Variants in COL13A1 observed in about 807,000 individuals in gnomAD.
COL13A1 encodes the protein collagen alpha-1(XIII) chain.
Under a neutral mutation model 130.9 loss-of-function variants are expected in COL13A1, and 89 were observed. The ratio of observed to expected loss-of-function variants is 0.68; its 90% CI spans 0.57 to 0.81. The LOEUF (loss-of-function observed/expected upper bound fraction) is 0.81. Ranked by LOEUF, COL13A1 falls within the 30% of genes least tolerant of loss-of-function variation. The pLI is 0.00. For missense variants in COL13A1, 879 were observed against 934.6 expected (o/e 0.94, Z 0.78); for synonymous variants, 402 against 341.6 (o/e 1.18, Z -1.95).
intron 22 of COL13A1, among the ~76,000 whole-genome samples, 180 bp downstream of exon 22, chr10:69,922,115 T>C (rs1427217632): frequency 1.3e-5 from 2 of 152,150 alleles, no homozygotes; most frequent in African/African-American, 4.8e-5. Flanking sequence ...AGGCCCTGAT[T>C]GGCAAAAATA....
In COL13A1 at chr10:69,810,191, G is replaced by A. The variant is rs535198574; in HGVS notation, c.294+7474G>A. ...GGCTTGCCCTTGTACGGGTGATGCT[G>A]GTTGCATTAGAATCGCCTGGGGAGC... is the stretch of plus-strand genomic sequence containing the variant. On this transcript the variant is annotated intron_variant, in intron 1 of 40. Transcript: ENST00000645393. Among the ~76,000 whole-genome samples the A allele has an allele frequency of 8.3e-4, 126 of 152,258 alleles. 1 individual carries two copies. The Middle Eastern group carries it at 0.024, about 29-fold the overall frequency.
intron 27 of COL13A1, among the ~76,000 whole-genome samples, chr10:69,927,757 G>A (rs2065567619): frequency 6.6e-6 from 1 of 152,212 alleles, no homozygotes; most frequent in African/African-American, 2.4e-5. Context: ...AACACACTTA[G>A]GGATGGCACA....
At chr10:69,940,947 T>C in intron 34 of COL13A1, 41 bp from the exon 35 acceptor site, 1 of 1,613,772 alleles carries the variant, frequency 6.2e-7, no homozygotes, top group Non-Finnish European at 8.5e-7. Context: ...CTCCCAATCC[T>C]CTCTTCCCCT....
chr10:69,840,140 G>A (rs1851209715), intron 2 of COL13A1, among the ~76,000 whole-genome samples: 1 of 152,280 alleles, frequency 6.6e-6, no homozygotes, highest in African/African-American at 2.4e-5. Context: ...GGTGAGAGAT[G>A]GAGAGAAACC....
chr10:69,837,490 C>A (rs914193772), intron 2 of COL13A1, among the ~76,000 whole-genome samples: 3 of 152,238 alleles, frequency 2.0e-5, no homozygotes, highest in Non-Finnish European at 4.4e-5. Context: ...ACAGGTGACA[C>A]CCCTGCTGTT....
In COL13A1 at chr10:69,925,008, G is replaced by A; in HGVS notation, c.1329+1G>A. ...AGAACAGGGACCAGATGGCCCCAAG[G>A]TATGTGCCTCTCCCTCCTGGAGTCA... On this transcript the variant is annotated splice_donor_variant, in intron 25 of 40. Coordinates refer to ENST00000645393, the MANE Select transcript of COL13A1 (RefSeq NM_001368882.1). LOFTEE classifies it high-confidence loss of function. 1 of 1,582,972 alleles carries A rather than the reference G, an allele frequency of 6.3e-7. No homozygotes were observed. The highest frequency in any genetic ancestry group is 8.6e-7 in the Non-Finnish European group (1 of 1,165,240).
At position 69,924,995 on chromosome 10, in the gene COL13A1, A is replaced by C. The variant is rs757204275; in HGVS notation, c.1317A>C (p.Pro439=). The C allele has an allele frequency of 1.3e-6, 2 of 1,590,616 alleles. No individual in the cohort carries two copies. The highest frequency in any genetic ancestry group is 1.7e-6 in the Non-Finnish European group (2 of 1,168,962). The change falls in exon 25 of 41, where the codon CCA becomes CCC. Residue 439 remains proline (P), a synonymous_variant. Coordinates refer to ENST00000645393, the MANE Select transcript of COL13A1 (RefSeq NM_001368882.1). The part of the protein sequence containing the change: ...GERGAAGEQG[P]DGPKGSKGEP... ...GTGGAGCAGCTGGAGAACAGGGACCAGATGGCCCCAAGGTATGTGCCTCTC... is the reference window on the plus strand; with the variant it reads ...GTGGAGCAGCTGGAGAACAGGGACCCGATGGCCCCAAGGTATGTGCCTCTC...
chr10:69,838,831 GC>G (rs1462240434), intron 2 of COL13A1, among the ~76,000 whole-genome samples: 1 of 152,222 alleles, frequency 6.6e-6, no homozygotes, highest in African/African-American at 2.4e-5. Flanking sequence ...ACACTGTGTG[GC>G]CCTGAGTCTC....
At chr10:69,888,351 C>T (rs1465104136) in intron 9 of COL13A1, 21 bp downstream of exon 9, 1 of 1,610,976 alleles carries the variant, frequency 6.2e-7, no homozygotes, top group South Asian at 1.1e-5. Flanking sequence ...CCGCTCTCTC[C>T]CCTCACTGCA....
In COL13A1 at chr10:69,936,011, C is replaced by CA. The variant is rs112838258; in HGVS notation, c.1770+629dup. On this transcript the variant is annotated intron_variant, in intron 32 of 40. Transcript: ENST00000645393. ...GGGCAACCAGAGTGAGACCCTGTCT[C>CA]AAAAAAAAAGAAAAAGAGAGAAAGA... is the stretch of plus-strand genomic sequence containing the variant. Among the ~76,000 whole-genome samples the CA allele has an allele frequency of 1.2e-4, 16 of 133,070 alleles. No individual in the cohort carries two copies. In the East Asian group the frequency reaches 3.3e-3, roughly 27 times the overall value. The allele number at this position is 133,070 out of a possible 152,430, so 87.3% of individuals were successfully genotyped here.
Position 69,802,658 on chromosome 10 carries a change from C to G in COL13A1, c.235C>G (p.Arg79Gly). 1.9e-6 allele frequency: 3 copies of G among 1,613,438 alleles called. No homozygotes were observed. The highest frequency in any genetic ancestry group is 2.5e-6 in the Non-Finnish European group (3 of 1,179,562). Residue 79 changes from arginine (R) to glycine (G), a missense_variant, in exon 1 of 41, where the codon CGC becomes GGC. This residue lies in a region of COL13A1 where 715 missense variants were observed against 721.0 expected (regional missense o/e 0.99). Transcript: ENST00000645393. ...QARVLRLEAE[R>G]GEQQMETAIL... is the part of the protein sequence containing the mutation. ...CCGGGTGCTGCGCCTGGAAGCGGAG[C>G]GCGGGGAGCAGCAAATGGAGACGGC...
intron 2 of COL13A1, among the ~76,000 whole-genome samples, chr10:69,847,159 C>G (rs1853380852): frequency 1.3e-5 from 2 of 152,206 alleles, no homozygotes; most frequent in South Asian, 4.1e-4. Context: ...GGGCCTGACC[C>G]CAGCTCCTTC....
In COL13A1 at chr10:69,930,565, G is replaced by A. The variant is rs773476568; in HGVS notation, c.1683+13G>A. 2 of 1,611,136 alleles carry A rather than the reference G, an allele frequency of 1.2e-6. No homozygotes were observed. The highest frequency in any genetic ancestry group is 1.7e-6 in the Non-Finnish European group (2 of 1,178,822). On this transcript the variant is annotated intron_variant, in intron 30 of 40. Transcript: ENST00000645393. ...AGCAGGCTCACCGGTGAGTGGCAGGGCTGGCTGCCCTTCCGTGCATACACC... is the reference window on the plus strand; with the variant it reads ...AGCAGGCTCACCGGTGAGTGGCAGGACTGGCTGCCCTTCCGTGCATACACC...
chr10:69,903,215 A>C (rs2062382708), intron 15 of COL13A1, among the ~76,000 whole-genome samples: 1 of 152,222 alleles, frequency 6.6e-6, no homozygotes, highest in South Asian at 2.1e-4. Flanking sequence ...TGGGTTCTGA[A>C]GGAGGTAGTG....
At chr10:69,910,857 T>C (rs1283742216) in intron 17 of COL13A1, among the ~76,000 whole-genome samples, 1 of 151,960 alleles carries the variant, frequency 6.6e-6, no homozygotes, top group Non-Finnish European at 1.5e-5. Context: ...GCAGAACTGG[T>C]CTGTCTGTCT....
At position 69,802,256 on chromosome 10, in the gene COL13A1, C is replaced by T; in HGVS notation, c.-168C>T. The T allele has an allele frequency of 1.3e-6, 1 of 797,052 alleles. No individual in the cohort carries two copies. Among genetic ancestry groups the T allele is most frequent in the Admixed American group, 4.1e-5 (1 of 24,456 alleles). The allele number at this position is 797,052 out of a possible 1,614,324, so 49.4% of individuals were successfully genotyped here. Reference sequence around the variant, plus strand: ...GTTGTGCTTTTTCGGCACTTCCTCTCCTACTGCTAATTTTTCCGTCCTCTT... The same window carrying T: ...GTTGTGCTTTTTCGGCACTTCCTCTTCTACTGCTAATTTTTCCGTCCTCTT... On this transcript the variant is annotated 5_prime_UTR_variant, in exon 1 of 41. Coordinates refer to ENST00000645393, the MANE Select transcript of COL13A1 (RefSeq NM_001368882.1).
chr10:69,904,454 G>A (rs558981638), intron 15 of COL13A1, among the ~76,000 whole-genome samples: 5 of 152,146 alleles, frequency 3.3e-5, no homozygotes, highest in Non-Finnish European at 7.3e-5. Flanking sequence ...CCTCTCCCTC[G>A]GCTCACACCA....
intron 2 of COL13A1, among the ~76,000 whole-genome samples, chr10:69,855,643 C>T (rs1856218308): frequency 6.6e-6 from 1 of 152,050 alleles, no homozygotes; most frequent in South Asian, 2.1e-4. Context: ...GTTAATTATT[C>T]CCTGTCCCTG....
intron 2 of COL13A1, among the ~76,000 whole-genome samples, chr10:69,857,513 A>G (rs1327117312): frequency 6.6e-6 from 1 of 152,196 alleles, no homozygotes; most frequent in Non-Finnish European, 1.5e-5. Flanking sequence ...CAGTGGTGGC[A>G]TTAGATCTTC....
Sources: gnomAD v4.1 joint callset for allele counts (sites outside exome capture counted in the v4.1 genomes callset) on GRCh38, gnomAD v4.1.1 for gene constraint, gnomAD v4.1.1 regional missense constraint, MANE v1.5 for transcripts, NCBI Gene and HGNC (gene_info 2026-07-23, HGNC 2026-07-21) for gene names.